Variants in SYNPR observed in about 807,000 individuals in gnomAD.
The protein encoded by SYNPR is synaptoporin.
SYNPR carries 23 observed loss-of-function variants against 32.9 expected under a neutral mutation model. That is an observed-to-expected ratio of 0.70 (90% CI 0.50 to 0.99). The LOEUF (loss-of-function observed/expected upper bound fraction) is 0.99. SYNPR is among the 50% of genes least tolerant of loss of function. The pLI is 0.00. For synonymous variants in SYNPR, 146 were observed against 135.9 expected (o/e 1.07, Z -0.52); for missense variants, 318 against 349.3 (o/e 0.91, Z 0.71).
intron 2 of SYNPR, among the ~76,000 whole-genome samples, chr3:63,463,361 C>T (rs1387148645): frequency 6.6e-6 from 1 of 152,030 alleles, no homozygotes; most frequent in African/African-American, 2.4e-5. Context: ...TTCTAAAGGA[C>T]CTGATTTATG....
intron 2 of SYNPR, among the ~76,000 whole-genome samples, chr3:63,354,280 A>G (rs2087546727): frequency 1.3e-5 from 2 of 152,138 alleles, no homozygotes; most frequent in South Asian, 4.1e-4. Flanking sequence ...TGGCTCTGTA[A>G]AGCAAACCCT....
intron 4 of SYNPR, among the ~76,000 whole-genome samples, chr3:63,574,242 C>T (rs1702940504): frequency 6.6e-6 from 1 of 152,066 alleles, no homozygotes; most frequent in African/African-American, 2.4e-5. Flanking sequence ...ATTTATTTCC[C>T]ACATTTTGCC....
In SYNPR at chr3:63,445,745, G is replaced by T. The variant is rs531341873; in HGVS notation, c.85-35087G>T. 1.9e-4 allele frequency among the ~76,000 whole-genome samples: 29 copies of T among 152,274 alleles called. No individual in the cohort carries two copies. In the South Asian group the frequency reaches 2.7e-3, roughly 14 times the overall value. ...ACTTACTTGAGGAAACACAGTGAGC[G>T]GGATGAGTCTCGGAACCAGGCAGGC... On this transcript the variant is annotated intron_variant, in intron 2 of 5. Transcript: ENST00000478300.
chr3:63,354,477 C>T (rs570337475), intron 2 of SYNPR, among the ~76,000 whole-genome samples: 1 of 152,116 alleles, frequency 6.6e-6, no homozygotes, highest in Non-Finnish European at 1.5e-5. Context: ...CCTCTTTGAA[C>T]CAACAGACTA....
chr3:63,561,497 G>C (rs1702688217), intron 4 of SYNPR: 1 of 152,160 alleles, frequency 6.6e-6, no homozygotes. Flanking sequence ...ACAGAAGTTA[G>C]AGAGGTGGAG....
intron 2 of SYNPR, among the ~76,000 whole-genome samples, chr3:63,421,826 T>C (rs1699806839): frequency 6.6e-6 from 1 of 152,222 alleles, no homozygotes; most frequent in Non-Finnish European, 1.5e-5. Context: ...CCTGCCCTTC[T>C]CTGCCACAGG....
chr3:63,488,766 C>T (rs533147199), intron 3 of SYNPR, among the ~76,000 whole-genome samples: 22 of 152,158 alleles, frequency 1.4e-4, no homozygotes, highest in South Asian at 8.3e-4. Context: ...TATGACAGTC[C>T]TGTTTGGAAG....
At chr3:63,347,567 G>A (rs562753658) in intron 2 of SYNPR, among the ~76,000 whole-genome samples, 6 of 152,220 alleles carry the variant, frequency 3.9e-5, no homozygotes, top group Admixed American at 3.9e-4. Flanking sequence ...TGGGCTTTCA[G>A]GGTAACCATT....
At chr3:63,256,155 G>C (rs567288848) in intron 2 of SYNPR, among the ~76,000 whole-genome samples, 3 of 152,210 alleles carry the variant, frequency 2.0e-5, no homozygotes, top group Non-Finnish European at 2.9e-5. Flanking sequence ...AGGGCATAGC[G>C]AAACAAAAGG....
At chr3:63,485,400 T>C (rs1701127803) in intron 3 of SYNPR, among the ~76,000 whole-genome samples, 1 of 151,998 alleles carries the variant, frequency 6.6e-6, no homozygotes, top group African/African-American at 2.4e-5. Context: ...AAGAAAACTT[T>C]ATGTATGCTA....
intron 4 of SYNPR, among the ~76,000 whole-genome samples, chr3:63,576,567 G>A (rs1027817699): frequency 9.2e-5 from 14 of 152,086 alleles, no homozygotes; most frequent in African/African-American, 2.4e-4. Flanking sequence ...TGAGGCAGGC[G>A]GATCACGAGG....
chr3:63,412,072 T>C (rs529707546), intron 2 of SYNPR, among the ~76,000 whole-genome samples: 40 of 151,704 alleles, frequency 2.6e-4, no homozygotes, highest in Non-Finnish European at 5.0e-4. Context: ...AGATTGGAGA[T>C]AGAGTTAGGA....
intron 2 of SYNPR, among the ~76,000 whole-genome samples, chr3:63,467,407 T>G (rs1446771757): frequency 5.3e-5 from 8 of 152,356 alleles, no homozygotes; most frequent in African/African-American, 1.9e-4. Context: ...CCAATTCAAT[T>G]TTTTGGGTTA....
rs529943897 is a variant in SYNPR at position 63,315,330 on chromosome 3, T to C, written c.84+36588T>C. Among the ~76,000 whole-genome samples, 142 of 152,232 alleles carry C rather than the reference T, an allele frequency of 9.3e-4. 1 individual carries two copies. The highest frequency in any genetic ancestry group is 6.8e-3 in the Middle Eastern group (2 of 294). On this transcript the variant is annotated intron_variant, in intron 2 of 5. Transcript: ENST00000478300. ...AATTTGTAGATTGCTTTTGGCAGTA[T>C]GGTAATTTTCACAATATTGATTCTA...
intron 2 of SYNPR, among the ~76,000 whole-genome samples, chr3:63,429,543 G>A (rs1280324511): frequency 6.6e-6 from 1 of 152,082 alleles, no homozygotes; most frequent in Non-Finnish European, 1.5e-5. Flanking sequence ...TCAAAGTTTT[G>A]TCATTTAAGA....
In SYNPR at chr3:63,438,079, G is replaced by A. The variant is rs144200996; in HGVS notation, c.85-42753G>A. ...TTCAGCAAATAGTCATTGCTTGGCC[G>A]CTCTGTGCTGGGCACTTTGCTTTGG... On this transcript the variant is annotated intron_variant, in intron 2 of 5. Coordinates refer to ENST00000478300, the MANE Select transcript of SYNPR (RefSeq NM_001130003.2). Among the ~76,000 whole-genome samples, 318 of 152,262 alleles carry A rather than the reference G, an allele frequency of 2.1e-3. 6 individuals carry two copies. The East Asian group carries it at 0.047, about 22-fold the overall frequency.
intron 2 of SYNPR, among the ~76,000 whole-genome samples, chr3:63,318,698 G>A (rs1219356567): frequency 6.6e-6 from 1 of 151,898 alleles, no homozygotes; most frequent in Non-Finnish European, 1.5e-5. Context: ...ATTGGGCTTT[G>A]CCTTTCTCTA....
chr3:63,315,277 T>C (rs11710158), intron 2 of SYNPR, among the ~76,000 whole-genome samples: 45,156 of 151,844 alleles, frequency 0.3, 7,123 homozygotes, highest in South Asian at 0.46. Context: ...TGAAGAATGA[T>C]GGTGGTATTT....
intron 2 of SYNPR, among the ~76,000 whole-genome samples, chr3:63,411,577 A>G (rs1338523045): frequency 6.6e-6 from 1 of 152,164 alleles, no homozygotes; most frequent in Non-Finnish European, 1.5e-5. Context: ...TTCCTGAGGA[A>G]GTGATTTTAC....
Sources: gnomAD v4.1 joint callset for allele counts (sites outside exome capture counted in the v4.1 genomes callset) on GRCh38, gnomAD v4.1.1 for gene constraint, MANE v1.5 for transcripts, NCBI Gene and HGNC (gene_info 2026-07-23, HGNC 2026-07-21) for gene names.